Variants in RTTN observed in about 807,000 individuals in gnomAD.
RTTN encodes rotatin.
RTTN carries 182 observed loss-of-function variants against 269.2 expected under a neutral mutation model. The ratio of observed to expected loss-of-function variants is 0.68; its 90% CI spans 0.60 to 0.76. RTTN has a LOEUF of 0.76. Among genes scored for constraint, RTTN ranks in the 30% least tolerant of loss-of-function variants. RTTN has a pLI of 0.00. For missense variants in RTTN, 2,545 were observed against 2,608.6 expected (o/e 0.98, Z 0.53); for synonymous variants, 1,006 against 963.5 (o/e 1.04, Z -0.82).
intron 45 of RTTN, among the ~76,000 whole-genome samples, 179 bp downstream of exon 45, chr18:70,020,436 T>C (rs1051238902): frequency 9.9e-5 from 15 of 152,234 alleles, no homozygotes; most frequent in Admixed American, 1.3e-4. Flanking sequence ...CCTGTCCTTC[T>C]GCACGTGTCA....
At chr18:70,198,244 T>C (rs1196958659) in intron 5 of RTTN, among the ~76,000 whole-genome samples, 1 of 152,176 alleles carries the variant, frequency 6.6e-6, no homozygotes, top group African/African-American at 2.4e-5. Flanking sequence ...CCACCTAGGA[T>C]TGGCAGTTGT....
At chr18:70,174,745 G>A (rs989337719) in intron 11 of RTTN, among the ~76,000 whole-genome samples, 1 of 151,598 alleles carries the variant, frequency 6.6e-6, no homozygotes, top group Non-Finnish European at 1.5e-5. Context: ...AACAGGCCAG[G>A]TGCAGTGGCT....
chr18:70,193,958 T>A (rs2061742723), intron 7 of RTTN, among the ~76,000 whole-genome samples: 1 of 152,192 alleles, frequency 6.6e-6, no homozygotes, highest in Non-Finnish European at 1.5e-5. Flanking sequence ...AATCTAAAAC[T>A]TTGGTACACC....
chr18:70,054,432 C>A, intron 37 of RTTN, 148 bp from the exon 38 acceptor site: 1 of 718,920 alleles, frequency 1.4e-6, no homozygotes, highest in Non-Finnish European at 2.2e-6. Flanking sequence ...GCAGACAAAG[C>A]ATTATTTTTC....
chr18:70,109,331 CCTTA>C (rs2059400466), intron 28 of RTTN, among the ~76,000 whole-genome samples, 163 bp downstream of exon 28: 4 of 152,120 alleles, frequency 2.6e-5, no homozygotes, highest in Non-Finnish European at 4.4e-5. Flanking sequence ...AAGTGACCTT[CCTTA>C]CTTAACTATT....
Position 70,176,689 on chromosome 18 carries a change from G to T in RTTN, c.1462C>A (p.Leu488Ile). 6.2e-7 allele frequency: 1 copy of T among 1,613,224 alleles called. No individual in the cohort carries two copies. Among genetic ancestry groups the T allele is most frequent in the South Asian group, 1.1e-5 (1 of 90,812 alleles). Residue 488 changes from leucine to isoleucine, a missense_variant, in exon 11 of 49, where the codon CTC becomes ATC. Transcript: ENST00000640769. ...LFAVRLLQTL[L>I]PVEKASEFLS... is the part of the protein sequence containing the mutation. ...GCCTGCCTTACCTTTTCAACAGGGA[G>T]AAGCGTTTGTAGCAGTCGAACTGCA...
In RTTN at chr18:70,024,846, T is replaced by C. The variant is rs1343091348; in HGVS notation, c.5826A>G (p.Glu1942=). Residue 1942 remains glutamate, a splice_region_variant and synonymous_variant, in exon 44 of 49, where the codon GAA becomes GAG. Transcript: ENST00000640769. ...GGACAAGGTGAGCTTCAAGAGCTGC[T>C]TCCTGTTGAAGGAAGGGAAAAAGAC... ...NCLYQNEECK[E]AALEAHLVPV... 6.2e-7 allele frequency: 1 copy of C among 1,612,986 alleles called. No homozygotes were observed. The highest frequency in any genetic ancestry group is 8.5e-7 in the Non-Finnish European group (1 of 1,179,640).
intron 30 of RTTN, among the ~76,000 whole-genome samples, chr18:70,089,581 T>C (rs1382186179): frequency 1.3e-5 from 2 of 152,154 alleles, no homozygotes; most frequent in East Asian, 1.9e-4. Flanking sequence ...CACTGGGTAA[T>C]GGGTTACAGG....
intron 14 of RTTN, among the ~76,000 whole-genome samples, chr18:70,154,274 C>G (rs927460203): frequency 2.6e-5 from 4 of 151,526 alleles, no homozygotes; most frequent in African/African-American, 4.9e-5. Context: ...TTTTTTAGAA[C>G]TCCTCTAAAA....
intron 32 of RTTN, among the ~76,000 whole-genome samples, chr18:70,079,383 T>G (rs192599207): frequency 6.6e-6 from 1 of 152,246 alleles, no homozygotes; most frequent in Non-Finnish European, 1.5e-5. Context: ...TTCTCTACAC[T>G]TATTAAGAGA....
At chr18:70,051,634 C>T (rs901829384) in intron 38 of RTTN, 86 bp from the exon 39 acceptor site, 18 of 968,978 alleles carry the variant, frequency 1.9e-5, no homozygotes, top group Non-Finnish European at 2.7e-5. Flanking sequence ...ACAGACGCTT[C>T]ATTACACTTA....
chr18:70,103,629 C>A (rs1409157872), intron 28 of RTTN, among the ~76,000 whole-genome samples: 1 of 152,064 alleles, frequency 6.6e-6, no homozygotes, highest in African/African-American at 2.4e-5. Context: ...CGGAAGGCCA[C>A]AGGGACCTCT....
At position 70,202,002 on chromosome 18, in the gene RTTN, T is replaced by C. The variant is rs1310955738; in HGVS notation, c.398-19A>G. ...GACAATTCTGAAAAGGAAATAAACA[T>C]TACTGTATTGTCGATTCCTTATTTG... On this transcript the variant is annotated intron_variant, in intron 3 of 48. Transcript: ENST00000640769. 1.1e-5 allele frequency: 15 copies of C among 1,407,314 alleles called. No homozygotes were observed. Among genetic ancestry groups the C allele is most frequent in the Non-Finnish European group, 1.5e-5 (15 of 993,978 alleles). The allele number at this position is 1,407,314 out of a possible 1,614,324, so 87.2% of individuals were successfully genotyped here.
chr18:70,048,904 T>A (rs1006056423), intron 39 of RTTN, among the ~76,000 whole-genome samples: 3 of 151,844 alleles, frequency 2.0e-5, no homozygotes, highest in African/African-American at 4.8e-5. Flanking sequence ...GCAAAAAAAA[T>A]GATAATTGTT....
intron 14 of RTTN, among the ~76,000 whole-genome samples, chr18:70,155,933 T>C (rs1445540844): frequency 6.6e-6 from 1 of 152,236 alleles, no homozygotes; most frequent in South Asian, 2.1e-4. Context: ...TTCCTATGCC[T>C]GTCTTTACTT....
intron 38 of RTTN, 58 bp downstream of exon 38, chr18:70,054,069 GAGTA>G (rs2057747570): frequency 1.5e-6 from 2 of 1,359,708 alleles, no homozygotes; most frequent in Non-Finnish European, 2.1e-6. Flanking sequence ...ATCTGAAACA[GAGTA>G]AGTTTTTTTT....
At chr18:70,200,562 G>A (rs1231065533) in intron 4 of RTTN, among the ~76,000 whole-genome samples, 1 of 152,166 alleles carries the variant, frequency 6.6e-6, no homozygotes, top group Non-Finnish European at 1.5e-5. Context: ...AACAATGAAT[G>A]AAAAGGTAAA....
chr18:70,015,343 G>A (rs1306278103), intron 46 of RTTN, among the ~76,000 whole-genome samples: 4 of 152,208 alleles, frequency 2.6e-5, no homozygotes, highest in African/African-American at 9.6e-5. Context: ...GATTACAGTT[G>A]TGAGCCACCA....
At chr18:70,086,168 T>C (rs2058693791) in intron 32 of RTTN, among the ~76,000 whole-genome samples, 1 of 152,162 alleles carries the variant, frequency 6.6e-6, no homozygotes, top group Non-Finnish European at 1.5e-5. Context: ...TTGTTTATTA[T>C]TACTAAATTA....
Sources: allele counts gnomAD v4.1 joint callset (sites outside exome capture counted in the v4.1 genomes callset), GRCh38; gene constraint gnomAD v4.1.1; transcripts MANE v1.5; gene names NCBI Gene and HGNC (gene_info 2026-07-23, HGNC 2026-07-21).